ZNF560: variants seen among roughly 807,000 people sequenced by gnomAD.
ZNF560 encodes zinc finger protein 560.
A neutral mutation model predicts 81.8 loss-of-function variants in ZNF560; 54 were observed. The ratio of observed to expected loss-of-function variants is 0.66; its 90% CI spans 0.53 to 0.83. The LOEUF (loss-of-function observed/expected upper bound fraction) is 0.83. Ranked by LOEUF, ZNF560 falls within the 40% of genes least tolerant of loss-of-function variation. ZNF560 has a pLI of 0.00. For missense variants in ZNF560, 940 were observed against 932.4 expected, an observed-to-expected ratio of 1.01 and a Z score of -0.11; for synonymous variants, 321 against 317.9, an observed-to-expected ratio of 1.01 and a Z score of -0.10.
At chr19:9,452,196 C>A in the ZNF560 span, among the ~76,000 whole-genome samples, 2 of 152,092 alleles carry the variant, frequency 1.3e-5, no homozygotes, top group Non-Finnish European at 2.9e-5. Context: ...TAGAGAAATG[C>A]AAATCAAAAC....
At chr19:9,455,799 G>A in the ZNF560 span, among the ~76,000 whole-genome samples, 1 of 152,136 alleles carries the variant, frequency 6.6e-6, no homozygotes, top group Admixed American at 6.6e-5. Flanking sequence ...CAGTATTGGA[G>A]GTAATCTGCA....
chr19:9,476,507 G>A (rs1465923823), intron 2 of ZNF560, among the ~76,000 whole-genome samples: 1 of 152,006 alleles, frequency 6.6e-6, no homozygotes, highest in East Asian at 1.9e-4. Context: ...GGTCAGGCTG[G>A]TCTCGAACTC....
intron 2 of ZNF560, among the ~76,000 whole-genome samples, chr19:9,492,823 G>C (rs1218020725): frequency 6.6e-6 from 1 of 152,142 alleles, no homozygotes; most frequent in Non-Finnish European, 1.5e-5. Context: ...TTAGCTCTAA[G>C]ACAAAAATTT....
chr19:9,449,173 C>T, the ZNF560 span, among the ~76,000 whole-genome samples: 1 of 152,216 alleles, frequency 6.6e-6, no homozygotes, highest in Non-Finnish European at 1.5e-5. Context: ...ACAGAACATT[C>T]TACCCATCAA....
At chr19:9,446,605 C>G in the ZNF560 span, among the ~76,000 whole-genome samples, 5 of 152,026 alleles carry the variant, frequency 3.3e-5, no homozygotes, top group Non-Finnish European at 5.9e-5. Context: ...TCCTCCTAAT[C>G]AAGAAAATAT....
chr19:9,504,983 G>A, the ZNF560 span, among the ~76,000 whole-genome samples: 84 of 152,306 alleles, frequency 5.5e-4, 1 homozygote, highest in African/African-American at 1.9e-3. Context: ...TACTCAGGAG[G>A]CTGAAGCAGG....
At chr19:9,473,154 A>T (rs539168968) in intron 5 of ZNF560, 25 bp downstream of exon 5, 1 of 1,599,620 alleles carries the variant, frequency 6.3e-7, no homozygotes, top group Admixed American at 1.7e-5. Context: ...CTCACTGACC[A>T]AGGTTGTTCT....
At chr19:9,471,448 T>G in intron 5 of ZNF560, 70 bp from the exon 6 acceptor site, 4 of 1,006,718 alleles carry the variant, frequency 4.0e-6, no homozygotes, top group Non-Finnish European at 5.7e-6. Context: ...GAGTTAAAAA[T>G]TATAGGCCTC....
chr19:9,489,327 G>A (rs1456915094), intron 2 of ZNF560, among the ~76,000 whole-genome samples: 1 of 151,854 alleles, frequency 6.6e-6, no homozygotes, highest in East Asian at 1.9e-4. Flanking sequence ...AGACACTGCA[G>A]TGGCCAGACA....
upstream of ZNF560, among the ~76,000 whole-genome samples, chr19:9,501,478 C>T (rs2073633070): frequency 6.6e-6 from 1 of 151,560 alleles, no homozygotes; most frequent in African/African-American, 2.4e-5. Flanking sequence ...CCTGCCTCAG[C>T]CTCTCAAGTA....
At chr19:9,505,538 GGATT>G in the ZNF560 span, among the ~76,000 whole-genome samples, 1 of 152,094 alleles carries the variant, frequency 6.6e-6, no homozygotes, top group Non-Finnish European at 1.5e-5. Flanking sequence ...AAATAAAGAA[GGATT>G]TTCTTCCTGC....
intron 2 of ZNF560, among the ~76,000 whole-genome samples, chr19:9,483,140 G>C (rs1214610928): frequency 1.3e-5 from 2 of 151,298 alleles, no homozygotes; most frequent in South Asian, 4.2e-4. Flanking sequence ...TGGGATGTGA[G>C]GAGCCCCTCT....
chr19:9,496,913 C>T (rs930345256), intron 2 of ZNF560, among the ~76,000 whole-genome samples: 14 of 150,980 alleles, frequency 9.3e-5, no homozygotes, highest in East Asian at 3.9e-4. Context: ...TCCACCCTGG[C>T]GACAGAACGA....
At chr19:9,505,616 T>A in the ZNF560 span, among the ~76,000 whole-genome samples, 1 of 152,240 alleles carries the variant, frequency 6.6e-6, no homozygotes, top group East Asian at 1.9e-4. Context: ...CACTGCTGAT[T>A]TTTTTGTGTT....
chr19:9,486,076 A>G (rs925560068), intron 2 of ZNF560, among the ~76,000 whole-genome samples: 3 of 152,182 alleles, frequency 2.0e-5, no homozygotes, highest in Admixed American at 6.5e-5. Flanking sequence ...ACAAAAGAGG[A>G]GCCCAATTCT....
chr19:9,466,662 T>G lies in ZNF560; in HGVS notation c.2285A>C (p.His762Pro). ...ACATTCAAAGGGTTTCTCTCCCATA[T>G]GAGTTCTTAAATGTTGAATACGTCC... ...SSGRIQHLRT[H>P]MGEKPFECDQ... is the part of the protein sequence containing the mutation. Residue 762 changes from histidine (H) to proline (P), a missense_variant, in exon 10 of 10, where the codon CAT becomes CCT. Physicochemically the swap from His to Pro is moderately conservative, Grantham distance 77. Coordinates refer to ENST00000301480, the MANE Select transcript of ZNF560 (RefSeq NM_152476.3). The G allele has an allele frequency of 6.2e-7, 1 of 1,614,080 alleles. No individual in the cohort carries two copies. The highest frequency in any genetic ancestry group is 8.5e-7 in the Non-Finnish European group (1 of 1,179,992).
the ZNF560 span, among the ~76,000 whole-genome samples, chr19:9,505,822 CCTGG>C: frequency 6.6e-6 from 1 of 152,016 alleles, no homozygotes; most frequent in Non-Finnish European, 1.5e-5. Flanking sequence ...TGCCACTATA[CCTGG>C]CTAATTTTTG....
chr19:9,495,103 G>A (rs2073536872), intron 2 of ZNF560, among the ~76,000 whole-genome samples: 1 of 151,910 alleles, frequency 6.6e-6, no homozygotes, highest in South Asian at 2.1e-4. Flanking sequence ...TTGCACCACC[G>A]CACTCTAGCC....
rs866276359 is a variant in ZNF560 at position 9,467,590 on chromosome 19, C to T, written c.1357G>A (p.Val453Ile). Residue 453 changes from valine to isoleucine, a missense_variant, in exon 10 of 10, where the codon GTT becomes ATT. By Grantham distance (29) the Val-to-Ile change is conservative. Coordinates refer to ENST00000301480, the MANE Select transcript of ZNF560 (RefSeq NM_152476.3). ...TCATATGGCTTCTCTCCATTATGAA[C>T]TCTCAAATGTCCAAAAAGAGATGGG... ...SYPSLFGHLRVHNGEKPYEHK... is the reference protein window; with the variant it reads ...SYPSLFGHLRIHNGEKPYEHK... 1 of 1,613,990 alleles carries T rather than the reference C, an allele frequency of 6.2e-7. No homozygotes were observed. The highest frequency in any genetic ancestry group is 1.3e-5 in the African/African-American group (1 of 74,976).
Sources: allele counts gnomAD v4.1 joint callset (sites outside exome capture counted in the v4.1 genomes callset), GRCh38; gene constraint gnomAD v4.1.1; transcripts MANE v1.5; gene names NCBI Gene and HGNC (gene_info 2026-07-23, HGNC 2026-07-21).